Variants in SHISAL1 observed in about 807,000 individuals in gnomAD.
SHISAL1 encodes protein shisa-like-1.
A neutral mutation model predicts 22.6 loss-of-function variants in SHISAL1; 9 were observed. The observed-to-expected ratio is 0.40, with a 90% CI of 0.24 to 0.70. SHISAL1 has a LOEUF of 0.70. Among genes scored for constraint, SHISAL1 ranks in the 30% least tolerant of loss-of-function variants. The pLI, the probability that SHISAL1 is intolerant of heterozygous loss-of-function variation, is 0.39. For synonymous variants in SHISAL1, 119 were observed against 115.4 expected (o/e 1.03, Z -0.20); for missense variants, 246 against 270.6 (o/e 0.91, Z 0.64).
At chr22:44,320,689 G>A in the SHISAL1 span, among the ~76,000 whole-genome samples, 1 of 152,200 alleles carries the variant, frequency 6.6e-6, no homozygotes, top group Non-Finnish European at 1.5e-5. Context: ...CTTTGGCCCA[G>A]CTCCAGCCGA....
chr22:44,308,368 G>A (rs1238720068), intron 1 of SHISAL1, among the ~76,000 whole-genome samples: 3 of 152,204 alleles, frequency 2.0e-5, no homozygotes, highest in African/African-American at 4.8e-5. Context: ...TCAAGGCTGC[G>A]CTCGCACCTG....
At chr22:44,263,060 C>G (rs184749812) in intron 4 of SHISAL1, among the ~76,000 whole-genome samples, 157 of 118,298 alleles carry the variant, frequency 1.3e-3, no homozygotes, top group African/African-American at 4.2e-3. Context: ...GGAGCCTTCA[C>G]GTATTTTTTT....
At chr22:44,286,856 C>G (rs1348307262) in intron 3 of SHISAL1, among the ~76,000 whole-genome samples, 1 of 152,226 alleles carries the variant, frequency 6.6e-6, no homozygotes, top group Non-Finnish European at 1.5e-5. Flanking sequence ...CCTGAAGCCA[C>G]CGATCTGTTA....
chr22:44,306,953 T>A (rs1175130142), intron 1 of SHISAL1, among the ~76,000 whole-genome samples: 1 of 151,508 alleles, frequency 6.6e-6, no homozygotes. Context: ...CGATGGCGTG[T>A]GTGGAGGGGA....
chr22:44,291,845 G>T (rs1454520297), intron 3 of SHISAL1, among the ~76,000 whole-genome samples: 1 of 152,136 alleles, frequency 6.6e-6, no homozygotes, highest in African/African-American at 2.4e-5. Context: ...GGCTTCCACA[G>T]ATCGCCCAGG....
At chr22:44,260,670 G>C (rs534713740) in intron 4 of SHISAL1, among the ~76,000 whole-genome samples, 4 of 152,380 alleles carry the variant, frequency 2.6e-5, no homozygotes, top group African/African-American at 9.6e-5. Flanking sequence ...CCAAACGCTT[G>C]CCTGTAGGCC....
the SHISAL1 span, among the ~76,000 whole-genome samples, chr22:44,321,151 G>T: frequency 1.9e-3 from 294 of 152,264 alleles, 5 homozygotes; most frequent in Middle Eastern, 0.027. Flanking sequence ...CAGTGCTCCA[G>T]CCACACAGTT....
At chr22:44,328,036 A>C in the SHISAL1 span, among the ~76,000 whole-genome samples, 2 of 152,190 alleles carry the variant, frequency 1.3e-5, no homozygotes, top group Non-Finnish European at 2.9e-5. Flanking sequence ...AACTGGGGAG[A>C]AGCTAAAGCA....
the SHISAL1 span, among the ~76,000 whole-genome samples, chr22:44,324,644 T>C: frequency 7.4e-4 from 113 of 152,138 alleles, no homozygotes; most frequent in African/African-American, 2.6e-3. Context: ...GCTCCAGGGG[T>C]TATATAACTT....
At chr22:44,251,045 C>G (rs1158201454) in intron 4 of SHISAL1, among the ~76,000 whole-genome samples, 1 of 152,200 alleles carries the variant, frequency 6.6e-6, no homozygotes, top group African/African-American at 2.4e-5. Context: ...TAAGCCAGGT[C>G]CAGGTACTCT....
chr22:44,271,794 G>A (rs1383575168), intron 4 of SHISAL1, among the ~76,000 whole-genome samples: 1 of 152,114 alleles, frequency 6.6e-6, no homozygotes, highest in Non-Finnish European at 1.5e-5. Context: ...GGGTGATCTC[G>A]CTTCTTCCAT....
chr22:44,274,336 A>G (rs135409), intron 4 of SHISAL1, among the ~76,000 whole-genome samples: 83,683 of 151,792 alleles, frequency 0.55, 24,240 homozygotes, highest in Non-Finnish European at 0.66. Context: ...GCCTCACTGC[A>G]CCAGCCCTTT....
rs1569203534 is a variant in SHISAL1, at chr22:44,246,507, C to A, written c.*3178G>T. 1 of 152,186 alleles carries A rather than the reference C, an allele frequency of 6.6e-6. No individual in the cohort carries two copies. Among genetic ancestry groups the A allele is most frequent in the Non-Finnish European group, 1.5e-5 (1 of 68,056 alleles). The allele number at this position is 152,186 out of a possible 1,614,324, so 9.4% of individuals were successfully genotyped here. The stretch of plus-strand genomic sequence containing the variant: ...CTAGCTATGCTTGAACTCGTCACTA[C>A]CCTGCATCCATCTTGTTCTCAGGGA... On this transcript the variant is annotated 3_prime_UTR_variant, in exon 5 of 5. Coordinates refer to ENST00000381176, the MANE Select transcript of SHISAL1 (RefSeq NM_001099294.2).
intron 4 of SHISAL1, among the ~76,000 whole-genome samples, chr22:44,271,078 G>A (rs1408547607): frequency 6.6e-6 from 1 of 152,116 alleles, no homozygotes; most frequent in Non-Finnish European, 1.5e-5. Context: ...GTGGGGTACT[G>A]AGCTAGGCCC....
intron 4 of SHISAL1, among the ~76,000 whole-genome samples, chr22:44,274,922 A>G (rs559237719): frequency 9.8e-4 from 149 of 152,296 alleles, no homozygotes; most frequent in Non-Finnish European, 1.7e-3. Context: ...CCCACAACCT[A>G]AGGCCACTTG....
upstream of SHISAL1, among the ~76,000 whole-genome samples, chr22:44,313,948 C>T (rs2055540231): frequency 6.6e-6 from 1 of 152,120 alleles, no homozygotes; most frequent in Non-Finnish European, 1.5e-5. Context: ...CAGCCCAGAG[C>T]GATGGGTGCC....
intron 1 of SHISAL1, among the ~76,000 whole-genome samples, chr22:44,306,529 A>G (rs2055475605): frequency 9.2e-6 from 1 of 108,646 alleles, no homozygotes; most frequent in African/African-American, 3.5e-5. Context: ...GGGCTCGGGG[A>G]GCTCTGATGA....
chr22:44,310,155 A>C lies in SHISAL1; in HGVS notation c.-33+2596T>G, dbSNP rs550774891. Among the ~76,000 whole-genome samples, 5 of 152,336 alleles carry C rather than the reference A, an allele frequency of 3.3e-5. No individual in the cohort carries two copies. The East Asian group carries it at 9.6e-4, about 29-fold the overall frequency. On this transcript the variant is annotated intron_variant, in intron 1 of 4. Coordinates refer to ENST00000381176, the MANE Select transcript of SHISAL1 (RefSeq NM_001099294.2). The surrounding 1 kb of genome is among the most constrained non-coding windows in gnomAD (Gnocchi z 4.0). ...CCTGAGCCCTGCTGACCTGATGCCTAGCCCTGCAGCGGTCACATCCCCGAA... is the reference window on the plus strand; with the variant it reads ...CCTGAGCCCTGCTGACCTGATGCCTCGCCCTGCAGCGGTCACATCCCCGAA...
intron 1 of SHISAL1, among the ~76,000 whole-genome samples, chr22:44,303,607 G>A (rs534019210): frequency 2.0e-5 from 3 of 152,260 alleles, no homozygotes; most frequent in Admixed American, 2.0e-4. Context: ...TGGACTTCCA[G>A]CCTCCAGGCT....
Sources: gnomAD v4.1 joint callset for allele counts (sites outside exome capture counted in the v4.1 genomes callset) on GRCh38, gnomAD v4.1.1 for gene constraint, Gnocchi (gnomAD v3.1) non-coding constraint, MANE v1.5 for transcripts, NCBI Gene and HGNC (gene_info 2026-07-23, HGNC 2026-07-21) for gene names.